The following GPHN variants were observed in gnomAD, a reference collection of about 807,000 sequenced individuals.
The protein encoded by GPHN is gephyrin.
Under a neutral mutation model 95.5 loss-of-function variants are expected in GPHN, and 17 were observed. That is an observed-to-expected ratio of 0.18 (90% CI 0.12 to 0.27). The LOEUF (loss-of-function observed/expected upper bound fraction) is 0.27. Ranked by LOEUF, GPHN falls within the 10% of genes least tolerant of loss-of-function variation. The pLI is 1.00. For missense variants in GPHN, 660 were observed against 978.1 expected (o/e 0.67, Z 4.34); for synonymous variants, 320 against 322.5 (o/e 0.99, Z 0.08).
chr14:66,968,249 G>A (rs1425058315), intron 9 of GPHN, among the ~76,000 whole-genome samples: 1 of 151,828 alleles, frequency 6.6e-6, no homozygotes, highest in Non-Finnish European at 1.5e-5. Context: ...ACTATACCAA[G>A]GAATAAAAGA....
chr14:67,725,955 C>T, the GPHN span: 34 of 860,636 alleles, frequency 4.0e-5, no homozygotes, highest in East Asian at 7.8e-4. Context: ...ACAAAGACAA[C>T]TAATGAACAA....
chr14:67,012,972 T>C lies in GPHN; in HGVS notation c.964-10661T>C, dbSNP rs570188052. On this transcript the variant is annotated intron_variant, in intron 9 of 22. Transcript: ENST00000478722. ...CTAACCACTTTCTGAAACTATCTTA[T>C]TTATGTACTTATTAGTTTAGGTGCT... 4.6e-5 allele frequency among the ~76,000 whole-genome samples: 7 copies of C among 152,250 alleles called. No homozygotes were observed. The South Asian group carries it at 1.5e-3, about 32-fold the overall frequency.
intron 1 of GPHN, among the ~76,000 whole-genome samples, chr14:66,571,231 G>C (rs185504254): frequency 6.6e-6 from 1 of 152,104 alleles, no homozygotes; most frequent in Non-Finnish European, 1.5e-5. Flanking sequence ...AGTGGGAAGA[G>C]CCCCTTAGAA....
chr14:66,596,040 C>G lies in GPHN; in HGVS notation c.65-85067C>G, dbSNP rs575497867. On this transcript the variant is annotated intron_variant, in intron 1 of 22. Transcript: ENST00000478722. ...GGCATCCTGACAAGTGTTCAGCTCT[C>G]AGCAGAGAGGAGACCCATAGTGGGT... 7.9e-5 allele frequency among the ~76,000 whole-genome samples: 12 copies of G among 152,174 alleles called. No homozygotes were observed. In the East Asian group the frequency reaches 2.1e-3, roughly 27 times the overall value.
intron 10 of GPHN, among the ~76,000 whole-genome samples, chr14:67,047,855 A>T (rs981645311): frequency 3.3e-5 from 5 of 152,242 alleles, no homozygotes; most frequent in Admixed American, 3.3e-4. Context: ...CAGCTACTCG[A>T]TGGGGTGAGA....
chr14:67,244,399 TG>T, the GPHN span, among the ~76,000 whole-genome samples: 2,638 of 152,378 alleles, frequency 0.017, 35 homozygotes, highest in Non-Finnish European at 0.026. Context: ...TTCACATTCT[TG>T]CCCACACTGG....
the GPHN span, among the ~76,000 whole-genome samples, chr14:67,525,820 T>C: frequency 6.6e-6 from 1 of 152,194 alleles, no homozygotes; most frequent in Non-Finnish European, 1.5e-5. Context: ...GTGTCTTTTG[T>C]TCCAGAGATC....
At chr14:66,749,887 T>C (rs1297152499) in intron 2 of GPHN, among the ~76,000 whole-genome samples, 1 of 151,866 alleles carries the variant, frequency 6.6e-6, no homozygotes, top group Non-Finnish European at 1.5e-5. Flanking sequence ...TGTGTATTTG[T>C]AGGATTCATG....
chr14:67,420,267 CCT>C, the GPHN span, among the ~76,000 whole-genome samples: 1 of 152,214 alleles, frequency 6.6e-6, no homozygotes, highest in African/African-American at 2.4e-5. Flanking sequence ...GAAGAGGCCC[CCT>C]GTCTCCATAC....
At chr14:67,039,159 A>G (rs529154275) in intron 10 of GPHN, among the ~76,000 whole-genome samples, 73 of 152,260 alleles carry the variant, frequency 4.8e-4, no homozygotes, top group African/African-American at 1.7e-3. Context: ...GACCAGCCTT[A>G]TACCTTATAT....
chr14:67,037,803 CAAG>C (rs1411245888), intron 10 of GPHN, among the ~76,000 whole-genome samples: 1 of 149,388 alleles, frequency 6.7e-6, no homozygotes, highest in African/African-American at 2.5e-5. Context: ...TAGAAAATAA[CAAG>C]TATTGGTGAT....
the GPHN span, among the ~76,000 whole-genome samples, chr14:67,193,351 TAG>T: frequency 7.4e-6 from 1 of 134,522 alleles, no homozygotes; most frequent in Non-Finnish European, 1.6e-5. Context: ...TCTATCTATA[TAG>T]AGATATATAA....
At chr14:66,599,391 CA>C (rs2062125217) in intron 1 of GPHN, among the ~76,000 whole-genome samples, 1 of 74,048 alleles carries the variant, frequency 1.4e-5, no homozygotes, top group Non-Finnish European at 2.1e-5. Flanking sequence ...TTTTTTTTTG[CA>C]TTTTTTTTTT....
In GPHN at chr14:67,049,703, G is replaced by A. The variant is rs148877708; in HGVS notation, c.1007-8946G>A. On this transcript the variant is annotated intron_variant, in intron 10 of 22. Transcript: ENST00000478722. ...AATTTTTGTATTTTTAGTAGAGACG[G>A]GGTTTCACCATGTTGGCCAGGATGG... is the stretch of plus-strand genomic sequence containing the variant. Among the ~76,000 whole-genome samples the A allele has an allele frequency of 0.042, 6,386 of 152,124 alleles. 813 individuals are homozygous for A. In the East Asian group the frequency reaches 0.42, roughly 10 times the overall value.
At chr14:67,604,532 CAAACAAA>C in the GPHN span, among the ~76,000 whole-genome samples, 62,375 of 150,848 alleles carry the variant, frequency 0.41, 13,671 homozygotes, top group Non-Finnish European at 0.51. Flanking sequence ...CTGACTCTAC[CAAACAAA>C]AAACAAAAAA....
chr14:67,359,776 G>T, the GPHN span: 1 of 1,542,610 alleles, frequency 6.5e-7, no homozygotes. Flanking sequence ...CCTCCACAGT[G>T]TCTTCCTCTA....
intron 11 of GPHN, chr14:67,059,123 ACT>A (rs1186617486): frequency 2.7e-6 from 1 of 371,680 alleles, no homozygotes; most frequent in Non-Finnish European, 4.8e-6. Flanking sequence ...AAAGTAGTTA[ACT>A]CTGAGTCTGT....
chr14:67,619,819 C>T, the GPHN span: 10 of 562,206 alleles, frequency 1.8e-5, no homozygotes, highest in East Asian at 3.3e-5. Flanking sequence ...GTGCCGGGGG[C>T]TGGTTGGAGG....
At chr14:66,792,802 T>C (rs2060018848) in intron 3 of GPHN, among the ~76,000 whole-genome samples, 1 of 152,218 alleles carries the variant, frequency 6.6e-6, no homozygotes. Flanking sequence ...CCTTCAGAGC[T>C]GAGAGCCTGA....
Sources: gnomAD v4.1 joint callset for allele counts (sites outside exome capture counted in the v4.1 genomes callset) on GRCh38, gnomAD v4.1.1 for gene constraint, MANE v1.5 for transcripts, NCBI Gene and HGNC (gene_info 2026-07-23, HGNC 2026-07-21) for gene names.